APC: variants seen among roughly 807,000 people sequenced by gnomAD.
APC encodes the protein APC regulator of Wnt signaling pathway.
A neutral mutation model predicts 247.0 loss-of-function variants in APC; 72 were observed. That is an observed-to-expected ratio of 0.29 (90% CI 0.24 to 0.35). The LOEUF is 0.35. APC is among the 10% of genes least tolerant of loss of function. The pLI is 1.00. For missense variants in APC, 3,400 were observed against 3,360.7 expected (o/e 1.01, Z -0.29); for synonymous variants, 1,254 against 1,162.5 (o/e 1.08, Z -1.60).
intron 12 of APC, 102 bp from the exon 13 acceptor site, chr5:112,827,827 A>T: frequency 1.1e-6 from 1 of 943,800 alleles, no homozygotes. Context: ...GTTATGATTA[A>T]AACAAAATAA....
At chr5:112,819,486 A>G (rs1175864910) in intron 10 of APC, 142 bp downstream of exon 10, 1 of 1,151,846 alleles carries the variant, frequency 8.7e-7, no homozygotes, top group East Asian at 2.5e-5. Flanking sequence ...ACTCATATTT[A>G]AAAGATTAAG....
intron 14 of APC, chr5:112,829,273 G>C (rs1764065197): frequency 6.2e-6 from 2 of 322,984 alleles, no homozygotes; most frequent in Non-Finnish European, 1.2e-5. Context: ...TGAGTAGCTG[G>C]GATTACAGTG....
chr5:112,831,686 C>T (rs1472633237), intron 14 of APC, among the ~76,000 whole-genome samples: 1 of 152,204 alleles, frequency 6.6e-6, no homozygotes, highest in Non-Finnish European at 1.5e-5. Flanking sequence ...TTTACCAGCA[C>T]TCTGTACTCC....
rs1057524298 is a variant in APC at position 112,842,047 on chromosome 5, A to C, written c.6453A>C (p.Thr2151=). 3 of 1,613,148 alleles carry C rather than the reference A, an allele frequency of 1.9e-6. No individual in the cohort carries two copies. Among genetic ancestry groups the C allele is most frequent in the Non-Finnish European group, 2.5e-6 (3 of 1,179,136 alleles). ...CTCTGGGATCACCATTTCATCTTAC[A>C]CCTGATCAAGAAGAAAAACCCTTTA... ...GISLGSPFHL[T]PDQEEKPFTS... is the part of the protein sequence containing the mutation. Residue 2151 remains threonine, a synonymous_variant, in exon 16 of 16, where the codon ACA becomes ACC. Transcript: ENST00000257430.
intron 8 of APC, among the ~76,000 whole-genome samples, 194 bp downstream of exon 8, chr5:112,801,577 A>T (rs1014377017): frequency 6.6e-6 from 1 of 152,146 alleles, no homozygotes; most frequent in Non-Finnish European, 1.5e-5. Flanking sequence ...AGGATTTTCT[A>T]GATCTATTTC....
In APC at chr5:112,839,197, A is replaced by G. The variant is rs760339669; in HGVS notation, c.3603A>G (p.Ser1201=). ...AGTCATTTTCATTCTCAAAGAGTTCATCTGGACAAAGCAGTAAAACCGAAC... is the reference window on the plus strand; with the variant it reads ...AGTCATTTTCATTCTCAAAGAGTTCGTCTGGACAAAGCAGTAAAACCGAAC... ...QKQSFSFSKS[S]SGQSSKTEHM... The change falls in exon 16 of 16, where the codon TCA becomes TCG. Residue 1201 remains serine, a synonymous_variant. Transcript: ENST00000257430. The surrounding 1 kb of genome is among the most constrained non-coding windows in gnomAD (Gnocchi z 5.0). 1.2e-6 allele frequency: 2 copies of G among 1,614,178 alleles called. No homozygotes were observed. The highest frequency in any genetic ancestry group is 3.3e-5 in the Admixed American group (2 of 60,018).
chr5:112,715,016 A>C (rs1751077444), intron 1 of APC, among the ~76,000 whole-genome samples: 1 of 152,210 alleles, frequency 6.6e-6, no homozygotes, highest in Non-Finnish European at 1.5e-5. Context: ...TTAGAAATTT[A>C]AGAACGCCTC....
intron 1 of APC, among the ~76,000 whole-genome samples, chr5:112,717,908 C>CTTTTTTTTTTTTTTTTTTTT: frequency 0.016 from 655 of 40,684 alleles, 227 homozygotes; most frequent in Non-Finnish European, 0.021. Flanking sequence ...TTTTCTTTTT[C>CTTTTTTTTTTTTTTTTTTTT]TTTTTTTTTT....
At chr5:112,743,564 TATTC>T in intron 1 of APC, among the ~76,000 whole-genome samples, 1 of 152,382 alleles carries the variant, frequency 6.6e-6, no homozygotes, top group Admixed American at 6.5e-5. Context: ...GGTAAGCAGA[TATTC>T]ATTGTTCAAT....
intron 4 of APC, among the ~76,000 whole-genome samples, chr5:112,769,136 C>T (rs1276141078): frequency 6.7e-6 from 1 of 148,964 alleles, no homozygotes; most frequent in African/African-American, 2.5e-5. Context: ...CTGCAACCTC[C>T]ACCTCCTAGG....
rs372963606 is a variant in APC at position 112,800,145 on chromosome 5, CA to C, written c.730-1133del. ...CTAGTTTTGCTAGCACTGTATTCCC[CA>C]GCATCTATTGCAAGTAACTAACATA... On this transcript the variant is annotated intron_variant, in intron 7 of 15. Transcript: ENST00000257430. Among the ~76,000 whole-genome samples, 132 of 152,290 alleles carry C rather than the reference CA, an allele frequency of 8.7e-4. 1 individual carries two copies. The highest frequency in any genetic ancestry group is 1.3e-3 in the Admixed American group (20 of 15,294).
intron 7 of APC, among the ~76,000 whole-genome samples, chr5:112,795,188 G>T (rs887398864): frequency 6.6e-6 from 1 of 152,044 alleles, no homozygotes; most frequent in African/African-American, 2.4e-5. Flanking sequence ...CACCATGCCT[G>T]GCTAATATTT....
intron 1 of APC, among the ~76,000 whole-genome samples, chr5:112,731,209 G>T (rs981662666): frequency 3.3e-5 from 5 of 152,130 alleles, no homozygotes; most frequent in Non-Finnish European, 5.9e-5. Context: ...ACAAATCTTT[G>T]TAGGGGTATC....
chr5:112,815,297 C>A (rs994181634), intron 8 of APC, among the ~76,000 whole-genome samples, 198 bp from the exon 9 acceptor site: 1 of 152,174 alleles, frequency 6.6e-6, no homozygotes, highest in African/African-American at 2.4e-5. Context: ...AAGAAACTCT[C>A]TTTTCTTTAG....
chr5:112,797,505 C>G (rs565547043), intron 7 of APC, among the ~76,000 whole-genome samples: 1 of 152,110 alleles, frequency 6.6e-6, no homozygotes, highest in African/African-American at 2.4e-5. Context: ...AGATGCTGGA[C>G]GTGATTTAAG....
rs1371378897 is a variant in APC, at chr5:112,841,303, C to A, written c.5709C>A (p.Asn1903Lys). The part of the protein sequence containing the change: ...KVTSHTELTS[N>K]QQSANKTQAI... The stretch of plus-strand genomic sequence containing the variant: ...CCAGCCACACAGAACTAACCTCCAA[C>A]CAACAATCAGCTAATAAGACACAAG... The change falls in exon 16 of 16, where the codon AAC (asparagine) becomes AAA (lysine). Residue 1903 changes from asparagine (N) to lysine (K), a missense_variant. By Grantham distance (94) the Asn-to-Lys change is moderately conservative. Around this residue, in one of 9 missense-constraint regions of APC, gnomAD observed 1,788 missense variants for 1,649.5 expected, o/e 1.08. Transcript: ENST00000257430. The surrounding 1 kb of genome is among the most constrained non-coding windows in gnomAD (Gnocchi z 4.6). 6.2e-7 allele frequency: 1 copy of A among 1,613,980 alleles called. No homozygotes were observed. Among genetic ancestry groups the A allele is most frequent in the Non-Finnish European group, 8.5e-7 (1 of 1,179,924 alleles).
intron 1 of APC, among the ~76,000 whole-genome samples, chr5:112,746,345 T>C (rs1167185294): frequency 1.3e-5 from 2 of 152,152 alleles, no homozygotes; most frequent in African/African-American, 2.4e-5. Context: ...TTTCAAAGAA[T>C]AGACACTATT....
At chr5:112,718,331 C>A (rs1459517928) in intron 1 of APC, among the ~76,000 whole-genome samples, 1 of 152,124 alleles carries the variant, frequency 6.6e-6, no homozygotes, top group African/African-American at 2.4e-5. Flanking sequence ...TCACCAAGTG[C>A]CTGGGGGTGT....
intron 8 of APC, among the ~76,000 whole-genome samples, chr5:112,806,314 G>T (rs376334715): frequency 1.3e-5 from 2 of 152,276 alleles, no homozygotes. Context: ...CTCCAGAAAG[G>T]CAGGGATTCT....
Sources: gnomAD v4.1 joint callset for allele counts (sites outside exome capture counted in the v4.1 genomes callset) on GRCh38, gnomAD v4.1.1 for gene constraint, gnomAD v4.1.1 regional missense constraint, Gnocchi (gnomAD v3.1) non-coding constraint, MANE v1.5 for transcripts, NCBI Gene and HGNC (gene_info 2026-07-23, HGNC 2026-07-21) for gene names.